CEP63: variants seen among roughly 807,000 people sequenced by gnomAD.
The protein encoded by CEP63 is centrosomal protein 63, also known as centrosomal protein of 63 kDa.
In CEP63, 84 loss-of-function variants were observed where a neutral mutation model predicts 89.1. The observed-to-expected ratio is 0.94, with a 90% CI of 0.79 to 1.13. CEP63 has a LOEUF of 1.13. Among genes scored for constraint, CEP63 ranks in the 50% most tolerant of loss-of-function variants. The probability of loss-of-function intolerance (pLI) is 0.00; values close to 1 mark genes in which losing one functional copy is unlikely to be tolerated. For missense variants in CEP63, 838 were observed against 813.3 expected (o/e 1.03, Z -0.37); for synonymous variants, 267 against 272.5 (o/e 0.98, Z 0.20).
At chr3:134,556,332 C>G (rs1012489330) in intron 12 of CEP63, among the ~76,000 whole-genome samples, 2 of 152,134 alleles carry the variant, frequency 1.3e-5, no homozygotes, top group Admixed American at 6.5e-5. Context: ...TCAGAGTGAA[C>G]AGGCAACCTA....
At chr3:134,692,611 G>A in the CEP63 span, among the ~76,000 whole-genome samples, 95,854 of 152,092 alleles carry the variant, frequency 0.63, 31,210 homozygotes, top group East Asian at 0.91. Context: ...TAATACCTTA[G>A]TTTATTAGAA....
chr3:134,559,079 C>T (rs1186959616), intron 13 of CEP63, 71 bp from the exon 14 acceptor site: 9 of 1,550,566 alleles, frequency 5.8e-6, no homozygotes, highest in Non-Finnish European at 8.0e-6. Context: ...AGCAAATTTC[C>T]TACATTTCTG....
chr3:134,726,577 T>G, the CEP63 span, among the ~76,000 whole-genome samples: 1 of 151,880 alleles, frequency 6.6e-6, no homozygotes, highest in Non-Finnish European at 1.5e-5. Flanking sequence ...CCTTGCAGCA[T>G]AACACATCAG....
At chr3:134,665,585 C>G in the CEP63 span, among the ~76,000 whole-genome samples, 1 of 151,798 alleles carries the variant, frequency 6.6e-6, no homozygotes, top group Non-Finnish European at 1.5e-5. Flanking sequence ...GCCATCTGTT[C>G]CCGGCCGCCA....
At chr3:134,515,402 CAA>C (rs969060465) in intron 3 of CEP63, among the ~76,000 whole-genome samples, 3 of 152,046 alleles carry the variant, frequency 2.0e-5, no homozygotes, top group African/African-American at 7.2e-5. Flanking sequence ...ATCAGATAAA[CAA>C]ATGCAATTAT....
chr3:134,649,633 C>G, the CEP63 span, among the ~76,000 whole-genome samples: 1 of 152,220 alleles, frequency 6.6e-6, no homozygotes, highest in Non-Finnish European at 1.5e-5. Flanking sequence ...CTGCTTCAGT[C>G]AGGAATCAGC....
chr3:134,674,063 T>C, the CEP63 span, among the ~76,000 whole-genome samples: 27 of 152,172 alleles, frequency 1.8e-4, no homozygotes, highest in African/African-American at 6.5e-4. Flanking sequence ...ATGAACCAAT[T>C]TGGATCAATG....
chr3:134,606,439 C>G, the CEP63 span, among the ~76,000 whole-genome samples: 2 of 152,164 alleles, frequency 1.3e-5, no homozygotes, highest in South Asian at 2.1e-4. Flanking sequence ...CCTCCCTCCC[C>G]ACCACTTCCC....
chr3:134,559,284 T>C lies in CEP63; in HGVS notation c.1808T>C (p.Ile603Thr). ...GTGCTAAGCCCCCTGAGTCCTCAAATCAGCCCTTGCAGCTCCACCAGGTCT... is the reference window on the plus strand; with the variant it reads ...GTGCTAAGCCCCCTGAGTCCTCAAACCAGCCCTTGCAGCTCCACCAGGTCT... ...SRVLSPLSPQISPCSSTRSLT... is the reference protein window; with the variant it reads ...SRVLSPLSPQTSPCSSTRSLT... Residue 603 changes from isoleucine (I) to threonine (T), a missense_variant, in exon 14 of 15, where the codon ATC becomes ACC. Transcript: ENST00000675561. 6.2e-7 allele frequency: 1 copy of C among 1,614,160 alleles called. No homozygotes were observed. Among genetic ancestry groups the C allele is most frequent in the Non-Finnish European group, 8.5e-7 (1 of 1,180,018 alleles).
chr3:134,662,773 CGT>C, the CEP63 span, among the ~76,000 whole-genome samples: 3 of 152,166 alleles, frequency 2.0e-5, no homozygotes, highest in African/African-American at 7.2e-5. Flanking sequence ...TGAAGGTGTA[CGT>C]GGATAGCAAC....
Position 134,559,182 on chromosome 3 carries a change from TA to T in CEP63, c.1709del (p.Lys570ArgfsTer20). ...CATGGCCAGCACAGACATGATGGAA[TA>T]AAGACTGAGCACTACAAAACAGATC... ...PTHGQHRHDG[I>X]KTEHYKTDLH... On this transcript the variant is annotated frameshift_variant, in exon 14 of 15. Transcript: ENST00000675561. LOFTEE classifies it high-confidence loss of function. The T allele has an allele frequency of 6.2e-7, 1 of 1,614,160 alleles. No individual in the cohort carries two copies. The highest frequency in any genetic ancestry group is 1.1e-5 in the South Asian group (1 of 91,076).
the CEP63 span, chr3:134,647,351 G>A: frequency 1.0e-5 from 11 of 1,099,698 alleles, no homozygotes; most frequent in Non-Finnish European, 1.5e-5. Context: ...TCTAGGGCTA[G>A]TCTTCAAATG....
the CEP63 span, chr3:134,613,218 G>C: frequency 1.9e-5 from 3 of 154,464 alleles, no homozygotes; most frequent in Non-Finnish European, 4.4e-5. Flanking sequence ...GAAGGAAGGA[G>C]AGGAATTTAG....
chr3:134,758,004 C>G, the CEP63 span, among the ~76,000 whole-genome samples: 1 of 152,232 alleles, frequency 6.6e-6, no homozygotes, highest in South Asian at 2.1e-4. Flanking sequence ...AAGTGTTTAT[C>G]AGAATCTACT....
chr3:134,684,289 G>A, the CEP63 span, among the ~76,000 whole-genome samples: 8,817 of 152,242 alleles, frequency 0.058, 302 homozygotes, highest in Middle Eastern at 0.092. Flanking sequence ...CTATTTCAAC[G>A]TTCCTTCTTT....
At chr3:134,690,003 A>G in the CEP63 span, among the ~76,000 whole-genome samples, 1 of 152,344 alleles carries the variant, frequency 6.6e-6, no homozygotes, top group South Asian at 2.1e-4. Flanking sequence ...TTAGTTATTT[A>G]CAATTTATAA....
At chr3:134,575,789 T>G (rs1958202061), downstream of CEP63, among the ~76,000 whole-genome samples, 1 of 151,992 alleles carries the variant, frequency 6.6e-6, no homozygotes, top group South Asian at 2.1e-4. Context: ...TTTTTTAAAT[T>G]TTTTGTAGAG....
the CEP63 span, among the ~76,000 whole-genome samples, chr3:134,613,827 C>T: frequency 2.6e-5 from 4 of 152,238 alleles, no homozygotes; most frequent in Non-Finnish European, 4.4e-5. Context: ...ATGTATAAGA[C>T]GATGATTGTG....
the CEP63 span, chr3:134,780,754 G>T: frequency 6.6e-6 from 1 of 152,058 alleles, no homozygotes; most frequent in African/African-American, 2.4e-5. Flanking sequence ...TATGTTTATG[G>T]TGTCTTTTTA....
Sources: gnomAD v4.1 joint callset for allele counts (sites outside exome capture counted in the v4.1 genomes callset) on GRCh38, gnomAD v4.1.1 for gene constraint, MANE v1.5 for transcripts, NCBI Gene and HGNC (gene_info 2026-07-23, HGNC 2026-07-21) for gene names.